Variants in LCORL observed in about 807,000 individuals in gnomAD.
LCORL encodes the protein ligand dependent nuclear receptor corepressor like, also known as ligand-dependent nuclear receptor corepressor-like protein.
LCORL carries 41 observed loss-of-function variants against 141.8 expected under a neutral mutation model. The ratio of observed to expected loss-of-function variants is 0.29; its 90% confidence interval spans 0.23 to 0.38. The LOEUF is 0.38. Among genes scored for constraint, LCORL ranks in the 10% least tolerant of loss-of-function variants. LCORL has a pLI of 1.00. For synonymous variants in LCORL, 618 were observed against 694.1 expected (o/e 0.89, Z 1.72); for missense variants, 1,759 against 2,035.0 (o/e 0.86, Z 2.61).
chr4:17,924,518 T>C (rs1432777960), intron 4 of LCORL, among the ~76,000 whole-genome samples: 1 of 152,178 alleles, frequency 6.6e-6, no homozygotes, highest in Non-Finnish European at 1.5e-5. Context: ...GGAAGGTTGA[T>C]TATACTGGAC....
intron 5 of LCORL, among the ~76,000 whole-genome samples, chr4:17,907,166 C>G (rs1731771756): frequency 6.6e-6 from 1 of 152,164 alleles, no homozygotes; most frequent in Admixed American, 6.5e-5. Context: ...GGACCATTCA[C>G]AGAAAACTCA....
At position 18,011,239 on chromosome 4, in the gene LCORL, G is replaced by A. The variant is rs548182479; in HGVS notation, c.154+10359C>T. Among the ~76,000 whole-genome samples the A allele has an allele frequency of 6.9e-4, 105 of 152,078 alleles. No individual in the cohort carries two copies. In the Middle Eastern group the frequency reaches 0.01, roughly 15 times the overall value. On this transcript the variant is annotated intron_variant, in intron 1 of 7. Transcript: ENST00000635767. Reference sequence around the variant, plus strand: ...TGTTTTATTTCTCAAGTTGTTCAGAGCCCAAGCAGAATGTCTTAATACATT... The same window carrying A: ...TGTTTTATTTCTCAAGTTGTTCAGAACCCAAGCAGAATGTCTTAATACATT...
chr4:17,898,054 T>G (rs1458307507), intron 5 of LCORL, among the ~76,000 whole-genome samples: 3 of 152,160 alleles, frequency 2.0e-5, no homozygotes, highest in African/African-American at 7.2e-5. Flanking sequence ...TGTTGCTTGT[T>G]TTTTCTCTTA....
intron 1 of LCORL, among the ~76,000 whole-genome samples, chr4:18,004,018 C>A (rs1460524736): frequency 6.6e-6 from 1 of 152,156 alleles, no homozygotes; most frequent in Non-Finnish European, 1.5e-5. Context: ...TGCATTCCTG[C>A]AGCAGAAACA....
rs1211933897 is a variant in LCORL at position 18,021,679 on chromosome 4, G to A, written c.73C>T (p.Arg25Trp). 1 of 1,538,740 alleles carries A rather than the reference G, an allele frequency of 6.5e-7. No homozygotes were observed. The highest frequency in any genetic ancestry group is 8.8e-7 in the Non-Finnish European group (1 of 1,141,924). The change falls in exon 1 of 8, where the codon CGG (arginine) becomes TGG (tryptophan). Residue 25 changes from arginine (R) to tryptophan (W), a missense_variant. Transcript: ENST00000635767. This position sits in a 1 kb window ranked among gnomAD's most constrained non-coding sequence, Gnocchi z 5.5. ...CTCTCCGCCGCGCACCGAGGGCTCCGGCACTGAGCGGCGGCGGCGGCGGCG... is the reference window on the plus strand; with the variant it reads ...CTCTCCGCCGCGCACCGAGGGCTCCAGCACTGAGCGGCGGCGGCGGCGGCG...
chr4:17,857,799 T>A (rs1724534884), intron 7 of LCORL, among the ~76,000 whole-genome samples: 1 of 152,246 alleles, frequency 6.6e-6, no homozygotes, highest in South Asian at 2.1e-4. Flanking sequence ...AACTACTGTC[T>A]GAGATTAAAG....
At chr4:17,883,231 T>C (rs1310920007) in intron 6 of LCORL, 8 of 984,130 alleles carry the variant, frequency 8.1e-6, no homozygotes, top group East Asian at 1.1e-4. Flanking sequence ...AGTATGGAGA[T>C]AGCTATTTAA....
At chr4:17,942,494 T>C (rs1414188915) in intron 4 of LCORL, among the ~76,000 whole-genome samples, 8 of 152,148 alleles carry the variant, frequency 5.3e-5, no homozygotes, top group Non-Finnish European at 1.0e-4. Context: ...AGCATAAGAC[T>C]GTAAGCAAAA....
chr4:18,003,447 G>A (rs1021644901), intron 1 of LCORL, among the ~76,000 whole-genome samples: 12 of 152,172 alleles, frequency 7.9e-5, no homozygotes, highest in Non-Finnish European at 1.2e-4. Flanking sequence ...TTTAAGGTAC[G>A]TTGAGATAAA....
At chr4:17,908,994 C>T (rs1732086784) in intron 5 of LCORL, 100 bp downstream of exon 5, 2 of 1,085,102 alleles carry the variant, frequency 1.8e-6, no homozygotes, top group South Asian at 3.8e-5. Context: ...AGTCATATTA[C>T]ATCCAAAATA....
chr4:17,848,554 G>A (rs1448504019), intron 7 of LCORL, among the ~76,000 whole-genome samples: 1 of 152,244 alleles, frequency 6.6e-6, no homozygotes, highest in African/African-American at 2.4e-5. Context: ...CTGGAGCCAA[G>A]ATGGCCAAAT....
At chr4:17,870,397 T>C (rs1168865888) in intron 7 of LCORL, among the ~76,000 whole-genome samples, 1 of 152,158 alleles carries the variant, frequency 6.6e-6, no homozygotes, top group Non-Finnish European at 1.5e-5. Context: ...TTCTACTACA[T>C]CAGCCTCCTT....
At chr4:17,954,194 CAAA>C (rs1418039331) in intron 4 of LCORL, among the ~76,000 whole-genome samples, 1 of 151,676 alleles carries the variant, frequency 6.6e-6, no homozygotes, top group Non-Finnish European at 1.5e-5. Context: ...AACAAATAAA[CAAA>C]AACGTGAAAG....
intron 4 of LCORL, among the ~76,000 whole-genome samples, chr4:17,929,524 A>G (rs1735677137): frequency 7.2e-5 from 11 of 152,186 alleles, no homozygotes; most frequent in Admixed American, 7.2e-4. Flanking sequence ...TGAAAGAATA[A>G]TCTTTTCAAC....
At chr4:17,859,368 A>G (rs1287945396) in intron 7 of LCORL, among the ~76,000 whole-genome samples, 1 of 152,202 alleles carries the variant, frequency 6.6e-6, no homozygotes, top group Non-Finnish European at 1.5e-5. Flanking sequence ...GAGGAGCATC[A>G]GTACTAAGAG....
intron 5 of LCORL, among the ~76,000 whole-genome samples, chr4:17,894,408 A>G (rs1043214852): frequency 3.9e-5 from 6 of 152,240 alleles, no homozygotes; most frequent in Non-Finnish European, 8.8e-5. Flanking sequence ...AAATTATTGC[A>G]GACCTTTTAT....
chr4:17,982,223 T>C (rs1482694983), intron 1 of LCORL, among the ~76,000 whole-genome samples: 1 of 151,420 alleles, frequency 6.6e-6, no homozygotes, highest in Non-Finnish European at 1.5e-5. Context: ...TTGTGAATAG[T>C]GCCACAATGA....
At chr4:17,880,368 G>C in intron 6 of LCORL, 1 of 733,054 alleles carries the variant, frequency 1.4e-6, no homozygotes, top group Non-Finnish European at 1.7e-6. Context: ...ATTCTCAGGT[G>C]ATTATATAAG....
chr4:17,924,898 T>C (rs1385573299), intron 4 of LCORL, among the ~76,000 whole-genome samples: 1 of 152,160 alleles, frequency 6.6e-6, no homozygotes, highest in Non-Finnish European at 1.5e-5. Flanking sequence ...CTGTGCATGC[T>C]CTGAATCAGC....
Sources: allele counts gnomAD v4.1 joint callset (sites outside exome capture counted in the v4.1 genomes callset), GRCh38; gene constraint gnomAD v4.1.1; non-coding constraint Gnocchi (gnomAD v3.1); transcripts MANE v1.5; gene names NCBI Gene and HGNC (gene_info 2026-07-23, HGNC 2026-07-21).